CNTNAP2: variants seen among roughly 807,000 people sequenced by gnomAD.
CNTNAP2 encodes the protein contactin associated protein 2.
CNTNAP2 carries 98 observed loss-of-function variants against 155.2 expected under a neutral mutation model. That is an observed-to-expected ratio of 0.63 (90% CI 0.54 to 0.75). The LOEUF (loss-of-function observed/expected upper bound fraction) is 0.75. CNTNAP2 is among the 30% of genes least tolerant of loss of function. The pLI is 0.00. For missense variants in CNTNAP2, 1,727 were observed against 1,688.1 expected, an observed-to-expected ratio of 1.02 and a Z score of -0.40; for synonymous variants, 651 against 631.2, an observed-to-expected ratio of 1.03 and a Z score of -0.47.
rs111396634 is a variant in CNTNAP2, at chr7:147,386,347, T to C, written c.1499-9262T>C. The stretch of plus-strand genomic sequence containing the variant: ...ATCTCCTAAGAAAATGGGATTTTCT[T>C]TTCTATCACATTGTCAGGTTGTAAA... On this transcript the variant is annotated intron_variant, in intron 9 of 23. Coordinates refer to ENST00000361727, the MANE Select transcript of CNTNAP2 (RefSeq NM_014141.6). Among the ~76,000 whole-genome samples the C allele has an allele frequency of 2.6e-5, 4 of 152,290 alleles. 1 individual carries two copies. Among genetic ancestry groups the C allele is most frequent in the African/African-American group, 9.6e-5 (4 of 41,574 alleles).
At chr7:146,659,001 A>C (rs1281974443) in intron 1 of CNTNAP2, among the ~76,000 whole-genome samples, 1 of 152,178 alleles carries the variant, frequency 6.6e-6, no homozygotes, top group African/African-American at 2.4e-5. Flanking sequence ...GAGACACCGC[A>C]GCCACTAAGG....
chr7:146,733,172 A>G (rs1308368523), intron 1 of CNTNAP2, among the ~76,000 whole-genome samples: 2 of 152,138 alleles, frequency 1.3e-5, no homozygotes, highest in Admixed American at 6.5e-5. Context: ...TACTCTTTCA[A>G]GAGCCCACGG....
intron 4 of CNTNAP2, among the ~76,000 whole-genome samples, chr7:147,094,496 G>C (rs1364798414): frequency 6.6e-6 from 1 of 150,834 alleles, no homozygotes; most frequent in Non-Finnish European, 1.5e-5. Flanking sequence ...CCGCCTCCTG[G>C]GTTCACGCCA....
At chr7:147,589,716 GT>G (rs1168280964) in intron 12 of CNTNAP2, among the ~76,000 whole-genome samples, 2 of 152,082 alleles carry the variant, frequency 1.3e-5, no homozygotes, top group Non-Finnish European at 2.9e-5. Flanking sequence ...TTCTCTCTAA[GT>G]TTTTTCCATT....
At chr7:148,019,773 T>C (rs1228363755) in intron 15 of CNTNAP2, among the ~76,000 whole-genome samples, 2 of 151,528 alleles carry the variant, frequency 1.3e-5, no homozygotes, top group Non-Finnish European at 2.9e-5. Context: ...TATTCTTTTT[T>C]TGGGGGGAGG....
Position 146,870,219 on chromosome 7 carries a change from T to TG in CNTNAP2, c.402+30315_402+30316insG, listed in dbSNP as rs200415426. ...GAATCTACCAGGTCCTGGGCTTTTT[T>TG]TTTTTGGTTGGCAGGCTATTTATTA... On this transcript the variant is annotated intron_variant, in intron 3 of 23. Transcript: ENST00000361727. Among the ~76,000 whole-genome samples the TG allele has an allele frequency of 6.2e-3, 939 of 152,034 alleles. 8 individuals are homozygous for TG. The highest frequency in any genetic ancestry group is 0.019 in the African/African-American group (802 of 41,478).
chr7:148,284,761 G>A (rs139545908), intron 21 of CNTNAP2, among the ~76,000 whole-genome samples: 9 of 152,202 alleles, frequency 5.9e-5, no homozygotes, highest in East Asian at 3.9e-4. Flanking sequence ...TCTTGCTAAC[G>A]ACCTGGAATT....
At chr7:147,604,118 C>T (rs1584848438) in intron 12 of CNTNAP2, among the ~76,000 whole-genome samples, 1 of 152,058 alleles carries the variant, frequency 6.6e-6, no homozygotes. Flanking sequence ...ACCATAAAAA[C>T]CCTAGAAGAA....
chr7:147,441,483 T>C (rs961144375), intron 10 of CNTNAP2, among the ~76,000 whole-genome samples: 5 of 152,184 alleles, frequency 3.3e-5, no homozygotes, highest in Non-Finnish European at 5.9e-5. Flanking sequence ...GTTCATTTGG[T>C]GAGGTCATCT....
In CNTNAP2 at chr7:147,514,131, A is replaced by G. The variant is rs1030028180; in HGVS notation, c.1777+28090A>G. Among the ~76,000 whole-genome samples, 13 of 152,334 alleles carry G rather than the reference A, an allele frequency of 8.5e-5. No individual in the cohort carries two copies. The East Asian group carries it at 2.5e-3, about 29-fold the overall frequency. Reference sequence around the variant, plus strand: ...TTACATGAAAAAATTAGAAAAAAATACAATGACAGTAGGCTTTGCTACTAT... The same window carrying G: ...TTACATGAAAAAATTAGAAAAAAATGCAATGACAGTAGGCTTTGCTACTAT... On this transcript the variant is annotated intron_variant, in intron 11 of 23. Transcript: ENST00000361727.
chr7:146,784,396 T>C (rs796599721), intron 2 of CNTNAP2, among the ~76,000 whole-genome samples: 1 of 152,240 alleles, frequency 6.6e-6, no homozygotes, highest in South Asian at 2.1e-4. Context: ...TATTATAATA[T>C]GTTTGGTAAT....
At chr7:147,208,546 A>T (rs1803069068) in intron 8 of CNTNAP2, among the ~76,000 whole-genome samples, 1 of 152,028 alleles carries the variant, frequency 6.6e-6, no homozygotes, top group Non-Finnish European at 1.5e-5. Context: ...GTCCCCTATG[A>T]CTATCTGAAA....
At chr7:146,452,884 A>G (rs768503944) in intron 1 of CNTNAP2, among the ~76,000 whole-genome samples, 1 of 152,218 alleles carries the variant, frequency 6.6e-6, no homozygotes, top group Admixed American at 6.5e-5. Context: ...GTGATTTTGC[A>G]AGACTCTGAA....
intron 3 of CNTNAP2, among the ~76,000 whole-genome samples, chr7:146,910,443 G>C (rs932747975): frequency 6.7e-6 from 1 of 148,940 alleles, no homozygotes; most frequent in Non-Finnish European, 1.5e-5. Context: ...CATGGTACTG[G>C]TACCAAAACA....
intron 13 of CNTNAP2, among the ~76,000 whole-genome samples, chr7:147,826,758 A>G (rs2116629162): frequency 6.6e-6 from 1 of 152,264 alleles, no homozygotes; most frequent in African/African-American, 2.4e-5. Context: ...GTGAAAAAAT[A>G]TGTGTAAAAA....
At chr7:146,937,394 C>T (rs909492067) in intron 3 of CNTNAP2, among the ~76,000 whole-genome samples, 65 of 136,688 alleles carry the variant, frequency 4.8e-4, no homozygotes, top group African/African-American at 1.4e-3. Flanking sequence ...TAAATAAAAG[C>T]GAAAACCGAC....
intron 3 of CNTNAP2, among the ~76,000 whole-genome samples, chr7:146,892,213 C>A (rs1795792256): frequency 6.6e-6 from 1 of 152,136 alleles, no homozygotes; most frequent in African/African-American, 2.4e-5. Flanking sequence ...GAGAGCTCAT[C>A]TGGGGCCTTA....
intron 1 of CNTNAP2, among the ~76,000 whole-genome samples, chr7:146,591,067 A>C (rs1429814919): frequency 6.6e-6 from 1 of 152,172 alleles, no homozygotes; most frequent in Non-Finnish European, 1.5e-5. Context: ...TGTGGCTGAG[A>C]TAGTGATGCC....
At chr7:147,822,326 A>G (rs1049584926) in intron 13 of CNTNAP2, among the ~76,000 whole-genome samples, 2 of 152,172 alleles carry the variant, frequency 1.3e-5, no homozygotes, top group African/African-American at 4.8e-5. Context: ...CCAGGCTGGC[A>G]TATCTGTGTG....
Sources: gnomAD v4.1 joint callset for allele counts (sites outside exome capture counted in the v4.1 genomes callset) on GRCh38, gnomAD v4.1.1 for gene constraint, MANE v1.5 for transcripts, NCBI Gene and HGNC (gene_info 2026-07-23, HGNC 2026-07-21) for gene names.